SIPA1L3: variants seen among roughly 807,000 people sequenced by gnomAD.
SIPA1L3 encodes signal-induced proliferation-associated 1-like protein 3.
In SIPA1L3, 59 loss-of-function variants were observed where a neutral mutation model predicts 150.1. The ratio of observed to expected loss-of-function variants is 0.39; its 90% confidence interval spans 0.32 to 0.49. The LOEUF is 0.49. Among genes scored for constraint, SIPA1L3 ranks in the 20% least tolerant of loss-of-function variants. SIPA1L3 has a pLI of 0.86. For missense variants in SIPA1L3, 2,211 were observed against 2,489.5 expected, an observed-to-expected ratio of 0.89 and a Z score of 2.38; for synonymous variants, 1,070 against 1,077.6, an observed-to-expected ratio of 0.99 and a Z score of 0.14.
chr19:38,147,406 A>T (rs1020771316), intron 12 of SIPA1L3, among the ~76,000 whole-genome samples: 1 of 151,774 alleles, frequency 6.6e-6, no homozygotes, highest in Non-Finnish European at 1.5e-5. Flanking sequence ...TCTTTTTTTT[A>T]TTATTATTTT....
chr19:37,964,769 A>T (rs1029367105), intron 1 of SIPA1L3: 6 of 152,192 alleles, frequency 3.9e-5, no homozygotes, highest in African/African-American at 1.4e-4. Flanking sequence ...AAGTGCTGGG[A>T]CTACAGTTGT....
intron 12 of SIPA1L3, among the ~76,000 whole-genome samples, chr19:38,152,064 T>C (rs1407941163): frequency 6.6e-6 from 1 of 150,848 alleles, no homozygotes; most frequent in Admixed American, 6.6e-5. Flanking sequence ...TGCATGTGGG[T>C]GTGCGAAGCT....
chr19:38,038,411 G>T (rs1323751119), intron 2 of SIPA1L3, among the ~76,000 whole-genome samples: 4 of 152,062 alleles, frequency 2.6e-5, no homozygotes, highest in Admixed American at 6.6e-5. Flanking sequence ...CCAGCATGGT[G>T]AAACCCCATC....
At chr19:37,930,025 ATT>A (rs34993739) in intron 1 of SIPA1L3, among the ~76,000 whole-genome samples, 31 of 131,714 alleles carry the variant, frequency 2.4e-4, no homozygotes, top group Admixed American at 4.7e-4. Flanking sequence ...TGCCTGGCAA[ATT>A]TTTTTTTTTT....
chr19:37,935,738 T>C (rs559893064), intron 1 of SIPA1L3, among the ~76,000 whole-genome samples: 5 of 152,314 alleles, frequency 3.3e-5, no homozygotes, highest in Admixed American at 1.3e-4. Flanking sequence ...GCTGGACTTA[T>C]AACACGGCAG....
rs188288049 is a variant in SIPA1L3, at chr19:37,973,454, C to T, written c.-378-55635C>T. 3.7e-3 allele frequency among the ~76,000 whole-genome samples: 543 copies of T among 147,874 alleles called. 4 individuals carry two copies. The highest frequency in any genetic ancestry group is 0.013 in the African/African-American group (508 of 39,948). ...TTCACCATATTGGCCAGGCTGGTCTCGAACTCCCGACCTCAGGTGATCCAC... is the reference window on the plus strand; with the variant it reads ...TTCACCATATTGGCCAGGCTGGTCTTGAACTCCCGACCTCAGGTGATCCAC... On this transcript the variant is annotated intron_variant, in intron 1 of 21. Transcript: ENST00000222345.
chr19:38,049,093 G>A (rs374691406), intron 2 of SIPA1L3, among the ~76,000 whole-genome samples: 12 of 151,486 alleles, frequency 7.9e-5, no homozygotes, highest in East Asian at 1.9e-4. Context: ...AAAAAAAAGC[G>A]GGGGGTGGAC....
chr19:38,198,237 C>A (rs1973008230), intron 18 of SIPA1L3, 152 bp from the exon 19 acceptor site: 2 of 884,612 alleles, frequency 2.3e-6, no homozygotes, highest in South Asian at 5.3e-5. Flanking sequence ...GAAGTCAGGC[C>A]TCTGTAGGCT....
At chr19:38,107,969 T>C (rs1970658474) in intron 7 of SIPA1L3, among the ~76,000 whole-genome samples, 1 of 151,588 alleles carries the variant, frequency 6.6e-6, no homozygotes, top group East Asian at 1.9e-4. Context: ...AGAGCAAGAC[T>C]CTGTCTCAAA....
intron 1 of SIPA1L3, among the ~76,000 whole-genome samples, chr19:37,997,788 C>T (rs2544719): frequency 0.38 from 57,061 of 150,808 alleles, 11,063 homozygotes; most frequent in South Asian, 0.45. Context: ...ATCGCTTGAA[C>T]CTGGGAGGCA....
At chr19:38,202,615 T>C (rs1204744360) in intron 20 of SIPA1L3, among the ~76,000 whole-genome samples, 1 of 152,040 alleles carries the variant, frequency 6.6e-6, no homozygotes, top group Non-Finnish European at 1.5e-5. Flanking sequence ...AAAGGAAAGC[T>C]GCTAGGCAGT....
chr19:37,915,263 G>GCCC (rs2145472615), intron 1 of SIPA1L3, among the ~76,000 whole-genome samples: 1 of 152,330 alleles, frequency 6.6e-6, no homozygotes, highest in Non-Finnish European at 1.5e-5. Flanking sequence ...TGCCATACCA[G>GCCC]GCACAGGTTA....
At chr19:38,143,380 CCTCCTTGCAGTGGT>C (rs1971635638) in intron 12 of SIPA1L3, among the ~76,000 whole-genome samples, 1 of 151,530 alleles carries the variant, frequency 6.6e-6, no homozygotes, top group Non-Finnish European at 1.5e-5. Context: ...CCTTCCTCCT[CCTCCTTGCAGTGGT>C]CCTCCTCCTG....
chr19:38,088,687 G>A, intron 3 of SIPA1L3, 34 bp from the exon 4 acceptor site: 1 of 1,606,128 alleles, frequency 6.2e-7, no homozygotes, highest in Non-Finnish European at 8.5e-7. Context: ...TTCCCAGACA[G>A]CTGAGCCTGA....
At chr19:38,105,253 T>C (rs1725457) in intron 6 of SIPA1L3, among the ~76,000 whole-genome samples, 11,920 of 151,826 alleles carry the variant, frequency 0.079, 1,394 homozygotes, top group African/African-American at 0.25. Flanking sequence ...TAATCCCAGC[T>C]ACTCAGGAGG....
chr19:38,206,067 C>T (rs371736777), intron 21 of SIPA1L3, 30 bp from the exon 22 acceptor site: 4 of 1,517,710 alleles, frequency 2.6e-6, no homozygotes, highest in East Asian at 2.5e-5. Flanking sequence ...CAAGCCCACC[C>T]GCCTGATGCC....
intron 2 of SIPA1L3, among the ~76,000 whole-genome samples, chr19:38,030,642 A>ATATATATATATATGTATATATATATG (rs1555778714): frequency 6.6e-5 from 5 of 75,326 alleles, no homozygotes; most frequent in African/African-American, 2.0e-4. Flanking sequence ...ATATATATAT[A>ATATATATATATATGTATATATATATG]TATATATATG....
rs1252059444 is a variant in SIPA1L3 at position 37,923,017 on chromosome 19, G to A, written c.-379+15659G>A. Among the ~76,000 whole-genome samples the A allele has an allele frequency of 2.5e-4, 38 of 151,358 alleles. 1 individual carries two copies. Among genetic ancestry groups the A allele is most frequent in the Non-Finnish European group, 8.8e-5 (6 of 67,864 alleles). On this transcript the variant is annotated intron_variant, in intron 1 of 21. Transcript: ENST00000222345. ...CTGGGCGTGGTGGCGGGCGCCTGTA[G>A]TCCCACCTACTCGGGAGGCTGAGAC...
chr19:38,119,478 C>G lies in SIPA1L3; in HGVS notation c.2464C>G (p.Gln822Glu), dbSNP rs1970966670. 2 of 1,614,088 alleles carry G rather than the reference C, an allele frequency of 1.2e-6. No homozygotes were observed. The highest frequency in any genetic ancestry group is 1.1e-5 in the South Asian group (1 of 91,082). Residue 822 changes from glutamine (Q) to glutamate (E), a missense_variant, in exon 9 of 22, where the codon CAG (glutamine) becomes GAG (glutamate). Around this residue, in one of 5 missense-constraint regions of SIPA1L3, gnomAD observed 625 missense variants for 804.2 expected, o/e 0.78. Coordinates refer to ENST00000222345, the MANE Select transcript of SIPA1L3 (RefSeq NM_015073.3). Reference sequence around the variant, plus strand: ...CCACACCATGGCCACCAGGACCCGCCAGGAGTATCTCAAGGACCTGGCCGA... The same window carrying G: ...CCACACCATGGCCACCAGGACCCGCGAGGAGTATCTCAAGGACCTGGCCGA... ...KFHTMATRTR[Q>E]EYLKDLAENC... is the part of the protein sequence containing the mutation.
Sources: gnomAD v4.1 joint callset for allele counts (sites outside exome capture counted in the v4.1 genomes callset) on GRCh38, gnomAD v4.1.1 for gene constraint, gnomAD v4.1.1 regional missense constraint, MANE v1.5 for transcripts, NCBI Gene and HGNC (gene_info 2026-07-23, HGNC 2026-07-21) for gene names.